The following EYA3 variants were observed in gnomAD, a reference collection of about 807,000 sequenced individuals.
EYA3 encodes the protein protein phosphatase EYA3.
A neutral mutation model predicts 80.0 loss-of-function variants in EYA3; 39 were observed. The ratio of observed to expected loss-of-function variants is 0.49; its 90% confidence interval spans 0.38 to 0.64. The LOEUF is 0.64. EYA3 is among the 30% of genes least tolerant of loss of function. The pLI is 0.00. For synonymous variants in EYA3, 206 were observed against 232.8 expected (o/e 0.88, Z 1.05); for missense variants, 523 against 676.1 (o/e 0.77, Z 2.51).
At chr1:27,988,734 T>G in intron 15 of EYA3, 78 bp from the exon 16 acceptor site, 1 of 1,518,158 alleles carries the variant, frequency 6.6e-7, no homozygotes, top group Non-Finnish European at 9.0e-7. Context: ...GCCAACTCTT[T>G]AGAATTTAAT....
chr1:28,072,710 T>C (rs980605076), intron 1 of EYA3, among the ~76,000 whole-genome samples: 7 of 152,122 alleles, frequency 4.6e-5, no homozygotes, highest in Non-Finnish European at 2.9e-5. Flanking sequence ...TATACAATCC[T>C]TCAATCCCAT....
intron 8 of EYA3, among the ~76,000 whole-genome samples, chr1:28,014,817 T>G (rs954429165): frequency 8.5e-5 from 13 of 152,144 alleles, no homozygotes; most frequent in Non-Finnish European, 1.5e-4. Context: ...CTGTACAATT[T>G]AAATCTGTGT....
intron 1 of EYA3, among the ~76,000 whole-genome samples, chr1:28,058,430 T>C (rs1413759783): frequency 6.6e-6 from 1 of 152,164 alleles, no homozygotes; most frequent in African/African-American, 2.4e-5. Context: ...CTAAAAATGA[T>C]AGGGACTGGC....
At chr1:28,046,797 T>A (rs536195629) in intron 3 of EYA3, among the ~76,000 whole-genome samples, 1 of 152,074 alleles carries the variant, frequency 6.6e-6, no homozygotes, top group African/African-American at 2.4e-5. Context: ...AGAATGTTTG[T>A]AAGGGACTAA....
At chr1:27,979,931 T>C (rs1052014488) in intron 16 of EYA3, among the ~76,000 whole-genome samples, 1 of 152,232 alleles carries the variant, frequency 6.6e-6, no homozygotes, top group African/African-American at 2.4e-5. Flanking sequence ...TGTGCAGATA[T>C]GTAACTGCAA....
At chr1:28,061,020 A>C (rs1644603668) in intron 1 of EYA3, among the ~76,000 whole-genome samples, 1 of 152,136 alleles carries the variant, frequency 6.6e-6, no homozygotes, top group African/African-American at 2.4e-5. Context: ...CTCAAAAAAG[A>C]AAAGAAAAGA....
intron 10 of EYA3, among the ~76,000 whole-genome samples, chr1:28,010,542 C>T (rs1240682635): frequency 1.3e-5 from 2 of 152,058 alleles, no homozygotes; most frequent in African/African-American, 4.8e-5. Context: ...AGGTGTGCAG[C>T]TAATTCTTGT....
chr1:28,059,052 A>G (rs2148900704), intron 1 of EYA3, among the ~76,000 whole-genome samples: 1 of 152,350 alleles, frequency 6.6e-6, no homozygotes, highest in East Asian at 1.9e-4. Flanking sequence ...GTAAGTATAT[A>G]ATCTTATCAC....
At chr1:28,056,377 G>C (rs1015718423) in intron 2 of EYA3, among the ~76,000 whole-genome samples, 3 of 152,106 alleles carry the variant, frequency 2.0e-5, no homozygotes, top group South Asian at 2.1e-4. Context: ...TCTGTGGCCC[G>C]TGCCTTCCTC....
At position 28,041,749 on chromosome 1, in the gene EYA3, A is replaced by G. The variant is rs182542310; in HGVS notation, c.157+822T>C. ...GATCTCAAACTCCTGGCCTCAGGTGATCCTCCTGCCTCAGACTCCCAAAGT... is the reference window on the plus strand; with the variant it reads ...GATCTCAAACTCCTGGCCTCAGGTGGTCCTCCTGCCTCAGACTCCCAAAGT... On this transcript the variant is annotated intron_variant, in intron 4 of 17. Transcript: ENST00000373871. 1.4e-3 allele frequency among the ~76,000 whole-genome samples: 217 copies of G among 152,196 alleles called. 1 individual carries two copies. Among genetic ancestry groups the G allele is most frequent in the African/African-American group, 4.8e-3 (200 of 41,532 alleles).
intron 10 of EYA3, among the ~76,000 whole-genome samples, chr1:28,005,433 G>A (rs1641194324): frequency 6.6e-6 from 1 of 152,168 alleles, no homozygotes; most frequent in Admixed American, 6.5e-5. Flanking sequence ...TACTCAACAG[G>A]CCAGGCACAG....
chr1:28,022,406 C>T (rs1642501522), intron 7 of EYA3, among the ~76,000 whole-genome samples: 1 of 151,240 alleles, frequency 6.6e-6, no homozygotes, highest in Non-Finnish European at 1.5e-5. Context: ...CATCCACCTC[C>T]CAAAGTGCTG....
At chr1:28,080,677 G>T (rs1645390893) in intron 1 of EYA3, among the ~76,000 whole-genome samples, 1 of 151,622 alleles carries the variant, frequency 6.6e-6, no homozygotes, top group Non-Finnish European at 1.5e-5. Flanking sequence ...AAAAAAAATG[G>T]CCAGTCAAAA....
chr1:28,084,222 T>A (rs1645531769), intron 1 of EYA3, among the ~76,000 whole-genome samples: 1 of 132,560 alleles, frequency 7.5e-6, no homozygotes, highest in Non-Finnish European at 1.6e-5. Flanking sequence ...TGGCTGTTTT[T>A]AAATATACTA....
At chr1:28,004,233 C>G (rs541084833) in intron 11 of EYA3, 103 bp downstream of exon 11, 19 of 755,312 alleles carry the variant, frequency 2.5e-5, no homozygotes, top group Non-Finnish European at 4.0e-5. Context: ...AAGTGAAAAG[C>G]CAGCCAACAG....
rs1053325756 is a variant in EYA3, at chr1:27,973,617, G to C, written c.*849C>G. On this transcript the variant is annotated 3_prime_UTR_variant, in exon 18 of 18. Transcript: ENST00000373871. ...ATTTGACTAAAGGGAAAAGGGACTG[G>C]AAAGAAGACTAAGGCTTCTAGATGG... 2.6e-5 allele frequency: 4 copies of C among 152,130 alleles called. No individual in the cohort carries two copies. The highest frequency in any genetic ancestry group is 4.8e-5 in the African/African-American group (2 of 41,414). The allele number at this position is 152,130 out of a possible 1,614,324, so 9.4% of individuals were successfully genotyped here.
At chr1:28,001,960 G>A (rs1191445197) in intron 11 of EYA3, among the ~76,000 whole-genome samples, 1 of 151,346 alleles carries the variant, frequency 6.6e-6, no homozygotes, top group Non-Finnish European at 1.5e-5. Flanking sequence ...TTGTTGCCCA[G>A]GCTGGAGTGC....
At chr1:28,037,730 T>C (rs72658313) in intron 5 of EYA3, among the ~76,000 whole-genome samples, 1 of 152,206 alleles carries the variant, frequency 6.6e-6, no homozygotes, top group African/African-American at 2.4e-5. Flanking sequence ...GAAGAACTCA[T>C]TGGGTTGACT....
chr1:27,982,127 C>T (rs1232949432), intron 16 of EYA3, among the ~76,000 whole-genome samples: 6 of 151,796 alleles, frequency 4.0e-5, no homozygotes, highest in African/African-American at 7.3e-5. Flanking sequence ...GTGCCTCAGC[C>T]TCCTAAGTAG....
Sources: gnomAD v4.1 joint callset for allele counts (sites outside exome capture counted in the v4.1 genomes callset) on GRCh38, gnomAD v4.1.1 for gene constraint, MANE v1.5 for transcripts, NCBI Gene and HGNC (gene_info 2026-07-23, HGNC 2026-07-21) for gene names.